The following PCDHA9 variants were observed in gnomAD, a reference collection of about 807,000 sequenced individuals.
PCDHA9 encodes protocadherin alpha 9.
PCDHA9 carries 62 observed loss-of-function variants against 62.0 expected under a neutral mutation model. The observed-to-expected ratio is 1.00, with a 90% CI of 0.81 to 1.23. The LOEUF (loss-of-function observed/expected upper bound fraction) is 1.23, where lower values mean the gene tolerates loss of function less well. Ranked by LOEUF, PCDHA9 falls within the 50% of genes most tolerant of loss-of-function variation. PCDHA9 has a pLI of 0.00. For missense variants in PCDHA9, 1,205 were observed against 1,249.8 expected (o/e 0.96, Z 0.54); for synonymous variants, 557 against 567.6 (o/e 0.98, Z 0.27).
intron 1 of PCDHA9, among the ~76,000 whole-genome samples, chr5:140,894,199 GC>G (rs2064359112): frequency 6.6e-6 from 1 of 151,732 alleles, no homozygotes; most frequent in Admixed American, 6.6e-5. Context: ...TTTTTTCTAT[GC>G]TATTATATTC....
chr5:140,855,802 G>C (rs1329894390), intron 1 of PCDHA9: 4 of 477,838 alleles, frequency 8.4e-6, no homozygotes, highest in Non-Finnish European at 1.5e-5. Context: ...ACATATGAAT[G>C]AAAGAAAAGT....
In PCDHA9 at chr5:140,876,730, G is replaced by A. The variant is rs1338047769; in HGVS notation, c.2394+25841G>A. ...CGCCCTGGACCGCGAGAGCGTGTCG[G>A]CCTATGAGCTGGTGGTGACTGCGCG... On this transcript the variant is annotated intron_variant, in intron 1 of 3. Transcript: ENST00000532602. 1.2e-6 allele frequency: 2 copies of A among 1,614,254 alleles called. No individual in the cohort carries two copies. The highest frequency in any genetic ancestry group is 1.7e-6 in the Non-Finnish European group (2 of 1,180,050).
intron 1 of PCDHA9, among the ~76,000 whole-genome samples, chr5:140,901,194 T>A (rs562699930): frequency 2.7e-4 from 41 of 152,236 alleles, no homozygotes; most frequent in Non-Finnish European, 5.1e-4. Flanking sequence ...TGCTTTTCTG[T>A]GCAGAAGGTT....
intron 1 of PCDHA9, among the ~76,000 whole-genome samples, chr5:140,922,214 C>T (rs1554200731): frequency 1.3e-5 from 2 of 152,004 alleles, no homozygotes; most frequent in African/African-American, 4.8e-5. Context: ...CTTTGTAAAA[C>T]ATTTGAACCT....
chr5:140,979,604 A>T (rs1326370777), intron 2 of PCDHA9, among the ~76,000 whole-genome samples: 1 of 152,204 alleles, frequency 6.6e-6, no homozygotes, highest in African/African-American at 2.4e-5. Context: ...AAATTAACCT[A>T]GAGTAACGGT....
At chr5:140,956,020 T>C (rs2095249402) in intron 1 of PCDHA9, among the ~76,000 whole-genome samples, 1 of 152,240 alleles carries the variant, frequency 6.6e-6, no homozygotes, top group Non-Finnish European at 1.5e-5. Context: ...TTTGCTGAAG[T>C]TGCTTATCAG....
intron 1 of PCDHA9, among the ~76,000 whole-genome samples, chr5:140,902,203 CT>C (rs148688132): frequency 0.19 from 23,745 of 124,094 alleles, 1,540 homozygotes; most frequent in African/African-American, 0.29. Flanking sequence ...CTCTCTCTTT[CT>C]TTTTTTTTTT....
At position 140,877,685 on chromosome 5, in the gene PCDHA9, C is replaced by T. The variant is rs377753884; in HGVS notation, c.2394+26796C>T. On this transcript the variant is annotated intron_variant, in intron 1 of 3. Transcript: ENST00000532602. Reference sequence around the variant, plus strand: ...AGCCGGTGCGCGCCGGGCAAGCCCACGCTGGTGTGCTCCAGCGCCGTGGGG... The same window carrying T: ...AGCCGGTGCGCGCCGGGCAAGCCCATGCTGGTGTGCTCCAGCGCCGTGGGG... 3.4e-5 allele frequency: 55 copies of T among 1,613,628 alleles called. No homozygotes were observed. Among genetic ancestry groups the T allele is most frequent in the Non-Finnish European group, 4.6e-5 (54 of 1,179,904 alleles).
chr5:141,007,037 T>C (rs1413139986), intron 3 of PCDHA9, among the ~76,000 whole-genome samples: 1 of 152,170 alleles, frequency 6.6e-6, no homozygotes, highest in Non-Finnish European at 1.5e-5. Flanking sequence ...TTTATATCTA[T>C]GGATATGGCT....
At chr5:140,887,238 C>T (rs1191260946) in intron 1 of PCDHA9, among the ~76,000 whole-genome samples, 11 of 151,856 alleles carry the variant, frequency 7.2e-5, no homozygotes, top group East Asian at 3.9e-4. Flanking sequence ...CTGAGACTAC[C>T]GGCGCCCGCC....
intron 1 of PCDHA9, among the ~76,000 whole-genome samples, chr5:140,905,438 C>T (rs182288757): frequency 1.5e-4 from 23 of 152,228 alleles, no homozygotes; most frequent in Non-Finnish European, 2.4e-4. Flanking sequence ...TAACTACAGC[C>T]TTTTAGTATA....
chr5:140,878,728 C>T (rs1554170509), intron 1 of PCDHA9, among the ~76,000 whole-genome samples: 1 of 152,170 alleles, frequency 6.6e-6, no homozygotes, highest in Non-Finnish European at 1.5e-5. Flanking sequence ...AATTTCCAGC[C>T]TTATATCTAC....
At chr5:140,996,697 C>T (rs559736986) in intron 3 of PCDHA9, among the ~76,000 whole-genome samples, 1 of 152,236 alleles carries the variant, frequency 6.6e-6, no homozygotes, top group East Asian at 1.9e-4. Flanking sequence ...TCTTCTGAAC[C>T]TCTATCTCTT....
In PCDHA9 at chr5:140,911,678, G is replaced by A. The variant is rs551063911; in HGVS notation, c.2394+60789G>A. ...CTAAACTCCTTGCCTCTCACGAACCGTGCATCAGGAGTGTCAAATGAATTT... is the reference window on the plus strand; with the variant it reads ...CTAAACTCCTTGCCTCTCACGAACCATGCATCAGGAGTGTCAAATGAATTT... On this transcript the variant is annotated intron_variant, in intron 1 of 3. Coordinates refer to ENST00000532602, the MANE Select transcript of PCDHA9 (RefSeq NM_031857.2). Among the ~76,000 whole-genome samples the A allele has an allele frequency of 7.9e-5, 12 of 152,234 alleles. No homozygotes were observed. The South Asian group carries it at 1.2e-3, about 16-fold the overall frequency.
At chr5:140,940,528 A>G (rs1190387049) in intron 1 of PCDHA9, among the ~76,000 whole-genome samples, 6 of 152,156 alleles carry the variant, frequency 3.9e-5, no homozygotes, top group African/African-American at 1.4e-4. Flanking sequence ...AGCTCACTGC[A>G]ATCTTGAATT....
At chr5:140,997,510 C>T (rs536611731) in intron 3 of PCDHA9, among the ~76,000 whole-genome samples, 60 of 152,102 alleles carry the variant, frequency 3.9e-4, no homozygotes, top group Non-Finnish European at 6.9e-4. Context: ...CATACCTAAA[C>T]GCAGAAAAAG....
Position 140,875,195 on chromosome 5 carries a change from G to A in PCDHA9, c.2394+24306G>A, listed in dbSNP as rs1554167540. On this transcript the variant is annotated intron_variant, in intron 1 of 3. Transcript: ENST00000532602. ...AACATTAGAATTAAGAGTGACCCAG[G>A]AAGTGGCTAAACCGAAAAGAACCTC... is the stretch of plus-strand genomic sequence containing the variant. The A allele has an allele frequency of 1.5e-5, 8 of 526,354 alleles. No individual in the cohort carries two copies. The Admixed American group carries it at 1.6e-4, about 10-fold the overall frequency. 32.6% of individuals were successfully genotyped at this position (526,354 alleles called of 1,614,324 possible). A position where few individuals can be genotyped will look rare whatever the true frequency, so the allele number is the denominator to read the frequency against.
chr5:140,926,890 A>ACCCTCCCT (rs782687521), intron 1 of PCDHA9: 1 of 1,543,756 alleles, frequency 6.5e-7, no homozygotes, highest in Non-Finnish European at 8.7e-7. Context: ...GCCTAGAGGG[A>ACCCTCCCT]GGATGGTGGG....
chr5:140,863,525 C>A, intron 1 of PCDHA9: 1 of 394,654 alleles, frequency 2.5e-6, no homozygotes, highest in South Asian at 2.0e-5. Context: ...TCCCATGGTT[C>A]AGATTTTGGA....
Sources: allele counts gnomAD v4.1 joint callset (sites outside exome capture counted in the v4.1 genomes callset), GRCh38; gene constraint gnomAD v4.1.1; transcripts MANE v1.5; gene names NCBI Gene and HGNC (gene_info 2026-07-23, HGNC 2026-07-21).